The following ELMOD3 variants were observed in gnomAD, a reference collection of about 807,000 sequenced individuals.
The protein encoded by ELMOD3 is ELMO domain containing 3, also known as ELMO domain-containing protein 3.
In ELMOD3, 36 loss-of-function variants were observed where a neutral mutation model predicts 47.4. The observed-to-expected ratio is 0.76, with a 90% CI of 0.58 to 1.00. ELMOD3 has a LOEUF of 1.00. ELMOD3 is among the 50% of genes least tolerant of loss of function. The pLI is 0.00. For missense variants in ELMOD3, 404 were observed against 463.8 expected (o/e 0.87, Z 1.18); for synonymous variants, 149 against 183.5 (o/e 0.81, Z 1.52).
intron 11 of ELMOD3, among the ~76,000 whole-genome samples, chr2:85,385,776 CT>C (rs34751437): frequency 2.5e-4 from 36 of 146,548 alleles, no homozygotes; most frequent in South Asian, 1.3e-3. Flanking sequence ...GTCTAACTTA[CT>C]TTTTTTTTTT....
chr2:85,362,269 C>T lies in ELMOD3; in HGVS notation c.129+9C>T. The stretch of plus-strand genomic sequence containing the variant: ...CTTTCAGAGGAATCCCTGTATGTAT[C>T]ACCCACAACTTGGTACCTTCTGCCA... On this transcript the variant is annotated intron_variant, in intron 5 of 13. Transcript: ENST00000409013. 1 of 1,526,944 alleles carries T rather than the reference C, an allele frequency of 6.5e-7. No homozygotes were observed. The highest frequency in any genetic ancestry group is 9.1e-7 in the Non-Finnish European group (1 of 1,100,560). 94.6% of individuals were successfully genotyped at this position (1,526,944 alleles called of 1,614,324 possible).
intron 4 of ELMOD3, chr2:85,360,949 A>C (rs1683908613): frequency 6.4e-6 from 1 of 157,098 alleles, no homozygotes; most frequent in South Asian, 1.9e-4. Context: ...TGTTCAGAGA[A>C]ACTTCTCTAG....
At chr2:85,380,998 T>G (rs1026242016) in intron 11 of ELMOD3, among the ~76,000 whole-genome samples, 1 of 152,242 alleles carries the variant, frequency 6.6e-6, no homozygotes, top group Non-Finnish European at 1.5e-5. Context: ...TTACTGATAA[T>G]GTACACTAAG....
Position 85,390,896 on chromosome 2 carries a change from G to C in ELMOD3, c.1080G>C (p.Lys360Asn), listed in dbSNP as rs1235945588. 6.4e-6 allele frequency: 10 copies of C among 1,551,716 alleles called. No homozygotes were observed. The highest frequency in any genetic ancestry group is 8.7e-6 in the Non-Finnish European group (10 of 1,147,000). ...ATGGGCCAGAAGCCCCTCCCTTCAA[G>C]GATCTCACCTTCACAGGTGAGAGTG... ...KCYGPEAPPF[K>N]DLTFTGESDL... Residue 360 changes from lysine to asparagine, a missense_variant, in exon 14 of 14, where the codon AAG (lysine) becomes AAC (asparagine). Coordinates refer to ENST00000409013, the MANE Select transcript of ELMOD3 (RefSeq NM_001135022.2).
chr2:85,373,623 G>A (rs989770576), intron 10 of ELMOD3, among the ~76,000 whole-genome samples: 4 of 151,778 alleles, frequency 2.6e-5, no homozygotes, highest in African/African-American at 7.2e-5. Context: ...GGAGGATCAC[G>A]AGGTCAGGAG....
In ELMOD3 at chr2:85,376,759, TC is replaced by T. The variant is rs1346144674; in HGVS notation, c.608-581del. 6.6e-6 allele frequency: 1 copy of T among 152,214 alleles called. No individual in the cohort carries two copies. The highest frequency in any genetic ancestry group is 2.4e-5 in the African/African-American group (1 of 41,432). 9.4% of individuals were successfully genotyped at this position (152,214 alleles called of 1,614,324 possible). The stretch of plus-strand genomic sequence containing the variant: ...CTTCTGTCTTGCTACACTGCCTCTT[TC>T]CCCACCCTTTGGCTAGAGAGAGCAG... On this transcript the variant is annotated intron_variant, in intron 10 of 13. Coordinates refer to ENST00000409013, the MANE Select transcript of ELMOD3 (RefSeq NM_001135022.2). The surrounding 1 kb of genome is among the most constrained non-coding windows in gnomAD (Gnocchi z 4.2).
intron 11 of ELMOD3, among the ~76,000 whole-genome samples, chr2:85,385,413 A>AT (rs1248879550): frequency 1.3e-5 from 2 of 152,030 alleles, no homozygotes; most frequent in African/African-American, 4.8e-5. Flanking sequence ...GTAGTGGAAA[A>AT]TTACAGTCAA....
In ELMOD3 at chr2:85,390,884, C is replaced by T. The variant is rs913398356; in HGVS notation, c.1068C>T (p.Ala356=). ...CACAGAAGTGCTATGGGCCAGAAGC[C>T]CCTCCCTTCAAGGATCTCACCTTCA... ...LGAQKCYGPE[A]PPFKDLTFTG... The change falls in exon 14 of 14, where the codon GCC becomes GCT. Residue 356 remains alanine, a synonymous_variant. Coordinates refer to ENST00000409013, the MANE Select transcript of ELMOD3 (RefSeq NM_001135022.2). The T allele has an allele frequency of 1.9e-6, 3 of 1,551,518 alleles. No individual in the cohort carries two copies. The highest frequency in any genetic ancestry group is 1.2e-5 in the South Asian group (1 of 84,058).
At chr2:85,366,952 G>T (rs551208098) in intron 6 of ELMOD3, among the ~76,000 whole-genome samples, 88 of 152,244 alleles carry the variant, frequency 5.8e-4, no homozygotes, top group African/African-American at 2.0e-3. Context: ...GTAGCAAACC[G>T]GAAAAGTCAG....
chr2:85,390,088 T>A (rs776996284), intron 12 of ELMOD3, 50 bp from the exon 13 acceptor site: 13 of 1,535,266 alleles, frequency 8.5e-6, no homozygotes, highest in Non-Finnish European at 1.1e-5. Flanking sequence ...GGAACCTAGG[T>A]CTCAGCCTTC....
At chr2:85,363,190 G>A (rs1192561123) in intron 6 of ELMOD3, 24 bp downstream of exon 6, 2 of 1,495,498 alleles carry the variant, frequency 1.3e-6, no homozygotes, top group South Asian at 2.3e-5. Flanking sequence ...CAGGGCCCTT[G>A]GAGTCTGGGT....
intron 11 of ELMOD3, among the ~76,000 whole-genome samples, chr2:85,389,259 C>T (rs1221194662): frequency 6.6e-6 from 1 of 152,184 alleles, no homozygotes; most frequent in Non-Finnish European, 1.5e-5. Flanking sequence ...TACCCACGTG[C>T]GTCTTCTCTG....
chr2:85,377,675 T>G (rs917827901), intron 11 of ELMOD3, among the ~76,000 whole-genome samples: 1 of 152,268 alleles, frequency 6.6e-6, no homozygotes, highest in Non-Finnish European at 1.5e-5. Flanking sequence ...CTTGATTCCC[T>G]CATCTGCAGA....
intron 10 of ELMOD3, among the ~76,000 whole-genome samples, chr2:85,373,611 C>T (rs1279813276): frequency 2.6e-5 from 4 of 152,088 alleles, no homozygotes; most frequent in South Asian, 2.1e-4. Context: ...GAGGCCACGG[C>T]GGGAGGATCA....
At chr2:85,377,623 A>ATAT in intron 11 of ELMOD3, 149 bp downstream of exon 11, 2 of 736,598 alleles carry the variant, frequency 2.7e-6, no homozygotes, top group African/African-American at 1.8e-5. Flanking sequence ...TGTACCGCTC[A>ATAT]TTAGCTGTGT....
intron 11 of ELMOD3, chr2:85,387,240 G>A (rs962187379): frequency 7.8e-6 from 9 of 1,154,448 alleles, no homozygotes; most frequent in Admixed American, 3.9e-5. Flanking sequence ...GTATAATAAC[G>A]ACGAACATTT....
At chr2:85,389,079 C>A (rs1039095083) in intron 11 of ELMOD3, among the ~76,000 whole-genome samples, 4 of 152,224 alleles carry the variant, frequency 2.6e-5, no homozygotes, top group African/African-American at 9.6e-5. Context: ...GCTTGCCTGA[C>A]TAAACATAGA....
intron 11 of ELMOD3, among the ~76,000 whole-genome samples, chr2:85,381,948 T>A (rs1313448623): frequency 6.6e-6 from 1 of 150,536 alleles, no homozygotes; most frequent in African/African-American, 2.4e-5. Context: ...AAACCCCGTC[T>A]CTACTAAAAA....
intron 4 of ELMOD3, chr2:85,357,547 G>A (rs1683649648): frequency 4.1e-6 from 1 of 242,272 alleles, no homozygotes; most frequent in Non-Finnish European, 8.0e-6. Context: ...TACCTTACTA[G>A]CCTCTTCCCT....
Sources: allele counts gnomAD v4.1 joint callset (sites outside exome capture counted in the v4.1 genomes callset), GRCh38; gene constraint gnomAD v4.1.1; non-coding constraint Gnocchi (gnomAD v3.1); transcripts MANE v1.5; gene names NCBI Gene and HGNC (gene_info 2026-07-23, HGNC 2026-07-21).